Variants in CSMD1 observed in about 807,000 individuals in gnomAD.
CSMD1 encodes the protein CUB and Sushi multiple domains 1, also known as CUB and sushi domain-containing protein 1.
In CSMD1, 213 loss-of-function variants were observed where a neutral mutation model predicts 417.5. The observed-to-expected ratio is 0.51, with a 90% confidence interval of 0.46 to 0.57. The LOEUF (loss-of-function observed/expected upper bound fraction) is 0.57. Ranked by LOEUF, CSMD1 falls within the 20% of genes least tolerant of loss-of-function variation. CSMD1 has a pLI of 0.00. For synonymous variants in CSMD1, 2,862 were observed against 1,736.8 expected (o/e 1.65, Z -16.11); for missense variants, 6,923 against 4,529.7 (o/e 1.53, Z -15.17).
intron 3 of CSMD1, among the ~76,000 whole-genome samples, chr8:4,207,630 T>C (rs1489664958): frequency 6.6e-6 from 1 of 152,160 alleles, no homozygotes; most frequent in Non-Finnish European, 1.5e-5. Context: ...ATTTTCATTA[T>C]GAAGAGGGGG....
intron 2 of CSMD1, among the ~76,000 whole-genome samples, chr8:4,422,269 T>A (rs989963464): frequency 6.6e-6 from 1 of 152,104 alleles, no homozygotes; most frequent in Non-Finnish European, 1.5e-5. Flanking sequence ...GTGGATAGAA[T>A]GCTTTTGTAG....
At chr8:4,968,944 C>T (rs1198226942) in intron 1 of CSMD1, among the ~76,000 whole-genome samples, 1 of 152,098 alleles carries the variant, frequency 6.6e-6, no homozygotes, top group Non-Finnish European at 1.5e-5. Flanking sequence ...TCATTCTCTC[C>T]ATCACTCCAT....
At chr8:4,841,633 A>T (rs1378651171) in intron 1 of CSMD1, among the ~76,000 whole-genome samples, 6 of 152,140 alleles carry the variant, frequency 3.9e-5, no homozygotes, top group African/African-American at 1.4e-4. Flanking sequence ...AGAACAGGTC[A>T]GGCGCGGTGG....
rs1466192115 is a variant in CSMD1, at chr8:3,029,840, A to T, written c.7661-327T>A. On this transcript the variant is annotated intron_variant, in intron 50 of 69. Coordinates refer to ENST00000635120, the MANE Select transcript of CSMD1 (RefSeq NM_033225.6). ...TCATGAGGGTAATGAGCATATGCAA[A>T]TAAAAATCTTACATATAATTTCCCT... Among the ~76,000 whole-genome samples, 3 of 152,192 alleles carry T rather than the reference A, an allele frequency of 2.0e-5. 1 individual carries two copies. The highest frequency in any genetic ancestry group is 2.0e-4 in the Admixed American group (3 of 15,270).
intron 3 of CSMD1, among the ~76,000 whole-genome samples, chr8:4,400,530 T>C (rs1804574939): frequency 6.6e-6 from 1 of 152,262 alleles, no homozygotes; most frequent in African/African-American, 2.4e-5. Context: ...AATTGCCCTC[T>C]ATGCCTTTCG....
chr8:3,264,111 C>G (rs901962245), intron 26 of CSMD1, among the ~76,000 whole-genome samples: 6 of 152,064 alleles, frequency 3.9e-5, no homozygotes, highest in African/African-American at 1.4e-4. Context: ...TTATTCACCT[C>G]AATAATATGA....
chr8:3,303,335 A>G (rs557644675), intron 25 of CSMD1, among the ~76,000 whole-genome samples: 5 of 152,226 alleles, frequency 3.3e-5, no homozygotes, highest in East Asian at 1.9e-4. Flanking sequence ...CTCCAGTGCA[A>G]TTTCACTCTA....
At chr8:3,162,038 A>C (rs913395660) in intron 38 of CSMD1, 121 bp downstream of exon 38, 2 of 661,116 alleles carry the variant, frequency 3.0e-6, no homozygotes, top group Non-Finnish European at 5.4e-6. Context: ...TTTAATATGA[A>C]TAGTATGATT....
rs1033441490 is a variant in CSMD1 at position 3,569,800 on chromosome 8, A to C, written c.1344+5145T>G. ...TTTGGATGGTAATTCTGCTTAATTG[A>C]GATGCCTTCAGGTGTCTAAGTGGTG... On this transcript the variant is annotated intron_variant, in intron 10 of 69. Transcript: ENST00000635120. Among the ~76,000 whole-genome samples the C allele has an allele frequency of 3.9e-5, 6 of 152,314 alleles. No homozygotes were observed. The East Asian group carries it at 9.6e-4, about 24-fold the overall frequency.
Position 4,294,739 on chromosome 8 carries a change from G to A in CSMD1, c.415+125214C>T, listed in dbSNP as rs572668445. 3.3e-5 allele frequency among the ~76,000 whole-genome samples: 5 copies of A among 151,886 alleles called. No homozygotes were observed. The East Asian group carries it at 5.8e-4, about 18-fold the overall frequency. ...TCATATAATCTATTTTTTTCTTACTGTAATTAGATGACTTTCTAAATTTAT... is the reference window on the plus strand; with the variant it reads ...TCATATAATCTATTTTTTTCTTACTATAATTAGATGACTTTCTAAATTTAT... On this transcript the variant is annotated intron_variant, in intron 3 of 69. Coordinates refer to ENST00000635120, the MANE Select transcript of CSMD1 (RefSeq NM_033225.6).
At chr8:4,774,111 G>A (rs1279483623) in intron 1 of CSMD1, among the ~76,000 whole-genome samples, 1 of 152,104 alleles carries the variant, frequency 6.6e-6, no homozygotes, top group Non-Finnish European at 1.5e-5. Flanking sequence ...GCAGGAGAGG[G>A]TTCACTTGAA....
rs1797761458 is a variant in CSMD1, at chr8:3,758,024, C to T, written c.819-3982G>A. On this transcript the variant is annotated intron_variant, in intron 5 of 69. Transcript: ENST00000635120. ...TGTCACCCAGGCTGGACTGCACTGG[C>T]ACAATCTCAGCTCGCTGCAACCTCT... Among the ~76,000 whole-genome samples, 3 of 152,110 alleles carry T rather than the reference C, an allele frequency of 2.0e-5. No homozygotes were observed. The South Asian group carries it at 6.2e-4, about 32-fold the overall frequency.
chr8:3,034,246 A>G (rs920363159), intron 50 of CSMD1, among the ~76,000 whole-genome samples: 3 of 152,228 alleles, frequency 2.0e-5, no homozygotes, highest in Non-Finnish European at 4.4e-5. Context: ...GGCTGATGAA[A>G]TCGCCCATGC....
chr8:4,323,358 C>CTTAT (rs994490430), intron 3 of CSMD1, among the ~76,000 whole-genome samples: 1 of 152,106 alleles, frequency 6.6e-6, no homozygotes, highest in African/African-American at 2.4e-5. Context: ...GAAATATAAA[C>CTTAT]TTATGTTCTT....
intron 5 of CSMD1, among the ~76,000 whole-genome samples, chr8:3,935,168 C>T (rs572350700): frequency 6.6e-5 from 10 of 152,252 alleles, no homozygotes; most frequent in East Asian, 3.9e-4. Context: ...AATATGGCCA[C>T]GACTCGTCTC....
At chr8:4,466,003 A>G (rs1800144489) in intron 2 of CSMD1, among the ~76,000 whole-genome samples, 2 of 152,242 alleles carry the variant, frequency 1.3e-5, no homozygotes, top group South Asian at 4.1e-4. Flanking sequence ...GAGACATTAA[A>G]GATGTGCAAT....
intron 2 of CSMD1, among the ~76,000 whole-genome samples, chr8:4,601,791 G>T (rs761095870): frequency 2.6e-5 from 4 of 152,166 alleles, no homozygotes; most frequent in Non-Finnish European, 4.4e-5. Flanking sequence ...TGAAAAGTGA[G>T]TAAACTTGAT....
chr8:4,849,861 GTA>G (rs1450675520), intron 1 of CSMD1, among the ~76,000 whole-genome samples: 1 of 152,086 alleles, frequency 6.6e-6, no homozygotes, highest in African/African-American at 2.4e-5. Context: ...ACATGTAACT[GTA>G]TATGTTTTCA....
chr8:3,442,085 T>C (rs1301277137), intron 12 of CSMD1, among the ~76,000 whole-genome samples: 1 of 151,226 alleles, frequency 6.6e-6, no homozygotes, highest in Non-Finnish European at 1.5e-5. Context: ...AAAAAAAAAA[T>C]ACAAAATTAA....
Sources: allele counts gnomAD v4.1 joint callset (sites outside exome capture counted in the v4.1 genomes callset), GRCh38; gene constraint gnomAD v4.1.1; transcripts MANE v1.5; gene names NCBI Gene and HGNC (gene_info 2026-07-23, HGNC 2026-07-21).